MEF2A: variants seen among roughly 807,000 people sequenced by gnomAD.
MEF2A encodes myocyte enhancer factor 2A.
In MEF2A, 28 loss-of-function variants were observed where a neutral mutation model predicts 55.8. The ratio of observed to expected loss-of-function variants is 0.50; its 90% CI spans 0.37 to 0.69. The LOEUF (loss-of-function observed/expected upper bound fraction) is 0.69. Ranked by LOEUF, MEF2A falls within the 30% of genes least tolerant of loss-of-function variation. The pLI, the probability that MEF2A is intolerant of heterozygous loss-of-function variation, is 0.00. For synonymous variants in MEF2A, 239 were observed against 227.1 expected (o/e 1.05, Z -0.47); for missense variants, 528 against 626.2 (o/e 0.84, Z 1.67).
chr15:99,572,033 C>G (rs200575491), intron 1 of MEF2A, among the ~76,000 whole-genome samples: 2 of 59,168 alleles, frequency 3.4e-5, no homozygotes, highest in East Asian at 9.5e-4. Flanking sequence ...TTTTTTTTTT[C>G]TTCACACAGC....
chr15:99,710,630 G>A lies in MEF2A; in HGVS notation c.1010-4G>A, dbSNP rs1280172857. On this transcript the variant is annotated splice_region_variant and splice_polypyrimidine_tract_variant and intron_variant, in intron 10 of 11. Transcript: ENST00000557942. ...ATGCAGAGCCCTCTTGTCTTCCTTTGTAGATTATTCACTGACCAGCGCTGA... is the reference window on the plus strand; with the variant it reads ...ATGCAGAGCCCTCTTGTCTTCCTTTATAGATTATTCACTGACCAGCGCTGA... The A allele has an allele frequency of 6.2e-7, 1 of 1,607,722 alleles. No homozygotes were observed. The highest frequency in any genetic ancestry group is 8.5e-7 in the Non-Finnish European group (1 of 1,174,660).
chr15:99,610,595 G>A (rs926449835), intron 2 of MEF2A, among the ~76,000 whole-genome samples: 1 of 151,944 alleles, frequency 6.6e-6, no homozygotes, highest in Non-Finnish European at 1.5e-5. Flanking sequence ...ACTGGCATAA[G>A]GATAAACAGA....
At chr15:99,601,923 A>G (rs1178628448) in intron 2 of MEF2A, among the ~76,000 whole-genome samples, 1 of 150,962 alleles carries the variant, frequency 6.6e-6, no homozygotes, top group Non-Finnish European at 1.5e-5. Flanking sequence ...CATAGAATTG[A>G]TGTTATTTCT....
At chr15:99,695,470 G>A (rs1272628163) in intron 8 of MEF2A, among the ~76,000 whole-genome samples, 5 of 151,916 alleles carry the variant, frequency 3.3e-5, no homozygotes, top group African/African-American at 1.2e-4. Flanking sequence ...GATAATGGTA[G>A]CTTTTAATCC....
At chr15:99,634,336 A>G (rs2043407252) in intron 3 of MEF2A, among the ~76,000 whole-genome samples, 1 of 152,216 alleles carries the variant, frequency 6.6e-6, no homozygotes, top group South Asian at 2.1e-4. Context: ...CCCACACAGT[A>G]TGATTCATTA....
intron 3 of MEF2A, among the ~76,000 whole-genome samples, chr15:99,635,678 G>T (rs1377700387): frequency 6.6e-6 from 1 of 152,094 alleles, no homozygotes; most frequent in Non-Finnish European, 1.5e-5. Flanking sequence ...GAGTTTATAT[G>T]AACAGTGTGT....
At chr15:99,575,209 AT>A (rs1364448439) in intron 1 of MEF2A, among the ~76,000 whole-genome samples, 24 of 152,182 alleles carry the variant, frequency 1.6e-4, no homozygotes. Flanking sequence ...TATTGATCTT[AT>A]TGTTTAATGT....
intron 8 of MEF2A, among the ~76,000 whole-genome samples, chr15:99,698,809 A>G (rs1465422783): frequency 6.6e-6 from 1 of 151,986 alleles, no homozygotes; most frequent in Non-Finnish European, 1.5e-5. Context: ...AAAAACAAAA[A>G]CGCAAAAACT....
chr15:99,572,032 T>C (rs988606061), intron 1 of MEF2A, among the ~76,000 whole-genome samples: 41 of 123,990 alleles, frequency 3.3e-4, no homozygotes, highest in South Asian at 1.1e-3. Context: ...TTTTTTTTTT[T>C]CTTCACACAG....
intron 2 of MEF2A, among the ~76,000 whole-genome samples, chr15:99,628,141 A>G (rs2042335474): frequency 6.6e-6 from 1 of 152,298 alleles, no homozygotes; most frequent in African/African-American, 2.4e-5. Flanking sequence ...TAGAACTGAT[A>G]TGTCTTCCTG....
At chr15:99,701,187 C>T (rs1392007526) in intron 8 of MEF2A, among the ~76,000 whole-genome samples, 1 of 152,164 alleles carries the variant, frequency 6.6e-6, no homozygotes, top group Non-Finnish European at 1.5e-5. Context: ...ACTGCCTTAA[C>T]CGGAGGATCA....
chr15:99,674,396 G>A lies in MEF2A; in HGVS notation c.394G>A (p.Gly132Ser). ...SDFIFKRGPP[G>S]LPPQNFSMSV... ...CCTTCTTTTTCTTTATTTACAGCCT[G>A]GTCTGCCACCTCAGAACTTTTCAAT... Residue 132 changes from glycine (G) to serine (S), a missense_variant, in exon 6 of 12, where the codon GGT (glycine) becomes AGT (serine). This residue lies in a region of MEF2A where 450 missense variants were observed against 475.3 expected (regional missense o/e 0.95). Coordinates refer to ENST00000557942, the MANE Select transcript of MEF2A (RefSeq NM_001319206.4). The A allele has an allele frequency of 6.3e-7, 1 of 1,599,086 alleles. No individual in the cohort carries two copies. The highest frequency in any genetic ancestry group is 8.6e-7 in the Non-Finnish European group (1 of 1,169,202).
intron 2 of MEF2A, among the ~76,000 whole-genome samples, chr15:99,598,776 A>G (rs867417701): frequency 1.2e-4 from 18 of 152,036 alleles, no homozygotes; most frequent in Admixed American, 1.3e-4. Flanking sequence ...CATATTCTCT[A>G]TCAGTTAACC....
intron 1 of MEF2A, among the ~76,000 whole-genome samples, chr15:99,588,607 T>TA (rs1178965810): frequency 6.6e-6 from 1 of 150,442 alleles, no homozygotes; most frequent in Non-Finnish European, 1.5e-5. Flanking sequence ...CACCTGGCCT[T>TA]AATTTTTGTA....
rs912443525 is a variant in MEF2A, at chr15:99,713,259, T to G, written c.*488T>G. 3 of 373,642 alleles carry G rather than the reference T, an allele frequency of 8.0e-6. No homozygotes were observed. The highest frequency in any genetic ancestry group is 6.2e-5 in the African/African-American group (3 of 48,214). The allele number at this position is 373,642 out of a possible 1,614,324, so 23.1% of individuals were successfully genotyped here. ...AGCAATACTGTACATAAAATGTCATTTATATTTTCCAACCTGGCATGGGTG... is the reference window on the plus strand; with the variant it reads ...AGCAATACTGTACATAAAATGTCATGTATATTTTCCAACCTGGCATGGGTG... On this transcript the variant is annotated 3_prime_UTR_variant, in exon 12 of 12. Transcript: ENST00000557942.
At chr15:99,593,977 C>T (rs774399845) in intron 1 of MEF2A, among the ~76,000 whole-genome samples, 10 of 152,064 alleles carry the variant, frequency 6.6e-5, no homozygotes, top group Non-Finnish European at 1.0e-4. Context: ...CCACAGGATA[C>T]GTTGCCTTCG....
At chr15:99,709,310 C>T (rs1203839416) in intron 10 of MEF2A, among the ~76,000 whole-genome samples, 1 of 152,204 alleles carries the variant, frequency 6.6e-6, no homozygotes, top group Non-Finnish European at 1.5e-5. Context: ...ATGTTGGTGC[C>T]ATGTACTAAG....
intron 3 of MEF2A, among the ~76,000 whole-genome samples, chr15:99,643,779 G>T (rs1033663041): frequency 1.3e-5 from 2 of 151,990 alleles, no homozygotes; most frequent in Admixed American, 6.5e-5. Flanking sequence ...TTTTAGTAGA[G>T]ACGGGGTTTC....
chr15:99,622,202 C>T (rs950556797), intron 2 of MEF2A, among the ~76,000 whole-genome samples: 1 of 152,114 alleles, frequency 6.6e-6, no homozygotes, highest in Non-Finnish European at 1.5e-5. Flanking sequence ...AAACATGACA[C>T]ATTTTTTTCA....
Sources: allele counts gnomAD v4.1 joint callset (sites outside exome capture counted in the v4.1 genomes callset), GRCh38; gene constraint gnomAD v4.1.1; regional missense constraint gnomAD v4.1.1; transcripts MANE v1.5; gene names NCBI Gene and HGNC (gene_info 2026-07-23, HGNC 2026-07-21).